SUN3: variants seen among roughly 807,000 people sequenced by gnomAD.
SUN3 encodes the protein Sad1 and UNC84 domain containing 3, also known as SUN domain-containing protein 3.
In SUN3, 36 loss-of-function variants were observed where a neutral mutation model predicts 48.2. That is an observed-to-expected ratio of 0.75 (90% CI 0.57 to 0.99). The LOEUF (loss-of-function observed/expected upper bound fraction) is 0.99. Among genes scored for constraint, SUN3 ranks in the 50% least tolerant of loss-of-function variants. The probability of loss-of-function intolerance (pLI) is 0.00; values close to 1 mark genes in which losing one functional copy is unlikely to be tolerated. For synonymous variants in SUN3, 148 were observed against 147.9 expected, an observed-to-expected ratio of 1.00 and a Z score of 0.00; for missense variants, 419 against 433.1, an observed-to-expected ratio of 0.97 and a Z score of 0.29.
chr7:47,999,589 A>G (rs1789302465), intron 6 of SUN3, among the ~76,000 whole-genome samples: 1 of 152,002 alleles, frequency 6.6e-6, no homozygotes. Flanking sequence ...CTGGAGTGCA[A>G]TGACGCAATC....
chr7:48,035,461 C>T, the SUN3 span: 38 of 693,702 alleles, frequency 5.5e-5, no homozygotes, highest in South Asian at 1.4e-4. This position sits in a 1 kb window ranked among gnomAD's most constrained non-coding sequence, Gnocchi z 4.0. Context: ...GCTGACAGTG[C>T]TCCAGCCGCG....
the SUN3 span, chr7:48,035,485 C>T: frequency 1.4e-6 from 1 of 696,736 alleles, no homozygotes; most frequent in South Asian, 1.5e-5. This position sits in a 1 kb window ranked among gnomAD's most constrained non-coding sequence, Gnocchi z 4.0. Flanking sequence ...GCCGGTTGGC[C>T]GTTCAGCCGT....
At chr7:47,987,727 T>C (rs1788940590) in intron 9 of SUN3, among the ~76,000 whole-genome samples, 1 of 152,060 alleles carries the variant, frequency 6.6e-6, no homozygotes, top group Non-Finnish European at 1.5e-5. Context: ...AGAGACAGGG[T>C]TTTGCCATGT....
intron 8 of SUN3, among the ~76,000 whole-genome samples, chr7:47,993,199 T>C (rs974539139): frequency 1.2e-4 from 19 of 152,342 alleles, no homozygotes; most frequent in African/African-American, 4.6e-4. Flanking sequence ...ATAGTCACTG[T>C]GAAAACATTG....
chr7:48,009,993 G>A (rs547896083), intron 3 of SUN3, among the ~76,000 whole-genome samples: 2 of 152,114 alleles, frequency 1.3e-5, no homozygotes. Flanking sequence ...AGATGACGGT[G>A]GTTGGGTGCT....
chr7:48,035,516 T>C, the SUN3 span: 10 of 697,170 alleles, frequency 1.4e-5, no homozygotes, highest in Non-Finnish European at 2.6e-5. The surrounding 1 kb of genome is among the most constrained non-coding windows in gnomAD (Gnocchi z 4.0). Context: ...ACGCCGATGT[T>C]GTGGTTCCGC....
chr7:47,990,900 T>A, intron 8 of SUN3: 1 of 376,164 alleles, frequency 2.7e-6, no homozygotes, highest in East Asian at 8.3e-5. Context: ...AGCTAAATAA[T>A]GAGAACACAT....
intron 2 of SUN3, among the ~76,000 whole-genome samples, chr7:48,020,940 T>C (rs1451997049): frequency 6.6e-6 from 1 of 152,116 alleles, no homozygotes. Context: ...CTAAAATTTA[T>C]ATGGAACCAC....
intron 2 of SUN3, among the ~76,000 whole-genome samples, chr7:48,020,893 C>G (rs553620527): frequency 2.0e-5 from 3 of 152,200 alleles, no homozygotes; most frequent in Admixed American, 2.0e-4. Flanking sequence ...TATCAAAATA[C>G]CAATGACATT....
At chr7:47,988,908 T>C (rs950888574) in intron 8 of SUN3, 28 bp from the exon 9 acceptor site, 5 of 1,302,854 alleles carry the variant, frequency 3.8e-6, no homozygotes, top group East Asian at 4.6e-5. Flanking sequence ...GATATAGAGA[T>C]TGTAATGAAT....
chr7:48,024,960 T>C (rs1466650584), intron 2 of SUN3, among the ~76,000 whole-genome samples: 1 of 152,162 alleles, frequency 6.6e-6, no homozygotes, highest in African/African-American at 2.4e-5. Flanking sequence ...ATCCAAACTA[T>C]AGCAGTCCTC....
the SUN3 span, chr7:48,035,710 C>G: frequency 1.7e-6 from 1 of 588,046 alleles, no homozygotes; most frequent in Non-Finnish European, 3.0e-6. This position sits in a 1 kb window ranked among gnomAD's most constrained non-coding sequence, Gnocchi z 4.0. Context: ...GCTCGCAGTG[C>G]GGGCAGTGCG....
rs774358152 is a variant in SUN3 at position 47,987,300 on chromosome 7, C to T, written c.*30G>A. 6.3e-7 allele frequency: 1 copy of T among 1,598,926 alleles called. No individual in the cohort carries two copies. The highest frequency in any genetic ancestry group is 2.3e-5 in the East Asian group (1 of 44,270). ...AATAAGCATTCTTGAATATTCTGGA[C>T]ATGTGGCATGGCCTTCTGTACCAAC... On this transcript the variant is annotated 3_prime_UTR_variant, in exon 10 of 10. Transcript: ENST00000297325.
rs188775465 is a variant in SUN3 at position 47,996,932 on chromosome 7, G to T, written c.578-786C>A. Among the ~76,000 whole-genome samples the T allele has an allele frequency of 3.0e-3, 453 of 151,648 alleles. 6 individuals are homozygous for T. The highest frequency in any genetic ancestry group is 0.01 in the African/African-American group (422 of 41,342). ...TTCTCCTGCCTCAGCCTCCCAAGTA[G>T]CTGGGACTACAGGCGCCCGCCACCA... On this transcript the variant is annotated intron_variant, in intron 6 of 9. Transcript: ENST00000297325.
intron 6 of SUN3, among the ~76,000 whole-genome samples, chr7:48,004,101 C>T (rs1789460716): frequency 6.6e-6 from 1 of 152,088 alleles, no homozygotes; most frequent in African/African-American, 2.4e-5. Context: ...TCTTTTCATT[C>T]ATTTCAAGTG....
chr7:47,999,480 TTTC>T (rs1789298492), intron 6 of SUN3, among the ~76,000 whole-genome samples: 1 of 152,172 alleles, frequency 6.6e-6, no homozygotes, highest in South Asian at 2.1e-4. Flanking sequence ...TCTCCCAGTT[TTTC>T]TTCATTTCCC....
chr7:48,008,676 A>C (rs1562606685), intron 4 of SUN3, among the ~76,000 whole-genome samples: 1 of 152,240 alleles, frequency 6.6e-6, no homozygotes, highest in Non-Finnish European at 1.5e-5. Flanking sequence ...AATTATGTAT[A>C]TGCACAAGTG....
intron 7 of SUN3, among the ~76,000 whole-genome samples, chr7:47,995,110 AGTG>A (rs1407998830): frequency 6.8e-6 from 1 of 147,340 alleles, no homozygotes; most frequent in East Asian, 2.1e-4. Flanking sequence ...TTGAAGTGGT[AGTG>A]GTGATGGTGG....
At chr7:48,033,825 G>T (rs1466443420), upstream of SUN3, among the ~76,000 whole-genome samples, 1 of 152,084 alleles carries the variant, frequency 6.6e-6, no homozygotes, top group Non-Finnish European at 1.5e-5. Flanking sequence ...TGAGGCCGAG[G>T]CAGGTGGATC....
Sources: allele counts gnomAD v4.1 joint callset (sites outside exome capture counted in the v4.1 genomes callset), GRCh38; gene constraint gnomAD v4.1.1; non-coding constraint Gnocchi (gnomAD v3.1); transcripts MANE v1.5; gene names NCBI Gene and HGNC (gene_info 2026-07-23, HGNC 2026-07-21).